Variants in TMEM168 observed in about 807,000 individuals in gnomAD.
TMEM168 encodes the protein transmembrane protein 168.
Under a neutral mutation model 53.2 loss-of-function variants are expected in TMEM168, and 40 were observed. That is an observed-to-expected ratio of 0.75 (90% CI 0.58 to 0.98). TMEM168 has a LOEUF of 0.98. Ranked by LOEUF, TMEM168 falls within the 50% of genes least tolerant of loss-of-function variation. TMEM168 has a pLI of 0.00. For synonymous variants in TMEM168, 282 were observed against 293.0 expected, an observed-to-expected ratio of 0.96 and a Z score of 0.38; for missense variants, 771 against 828.8, an observed-to-expected ratio of 0.93 and a Z score of 0.86.
rs753868889 is a variant in TMEM168, at chr7:112,773,060, A to C, written c.1272-5T>G. On this transcript the variant is annotated splice_polypyrimidine_tract_variant and splice_region_variant and intron_variant, in intron 3 of 4. Transcript: ENST00000312814. Reference sequence around the variant, plus strand: ...AGTGTTGGCTGACCATCAGGACTGAAGTAGGAGAAAAAACAAGAAGTACTC... The same window carrying C: ...AGTGTTGGCTGACCATCAGGACTGACGTAGGAGAAAAAACAAGAAGTACTC... The C allele has an allele frequency of 1.3e-5, 21 of 1,587,120 alleles. No individual in the cohort carries two copies. The highest frequency in any genetic ancestry group is 1.8e-5 in the Non-Finnish European group (21 of 1,162,934).
Position 112,783,747 on chromosome 7 carries a change from A to G in TMEM168, c.1079T>C (p.Val360Ala). The change falls in exon 2 of 5, where the codon GTG becomes GCG. Residue 360 changes from valine (V) to alanine (A), a missense_variant. Val to Ala is a moderately conservative substitution (Grantham distance 64, BLOSUM62 0). Transcript: ENST00000312814. Reference sequence around the variant, plus strand: ...CGCTGTTGCAAGAAGACTAAAGAACACCAACTGCTCTGAAATCAAGCAAAA... The same window carrying G: ...CGCTGTTGCAAGAAGACTAAAGAACGCCAACTGCTCTGAAATCAAGCAAAA... The part of the protein sequence containing the change: ...RHFCLISEQL[V>A]FFSLLATAIL... The G allele has an allele frequency of 6.4e-7, 1 of 1,564,230 alleles. No homozygotes were observed.
Position 112,784,762 on chromosome 7 carries a change from C to T in TMEM168, c.64G>A (p.Glu22Lys). 6.2e-7 allele frequency: 1 copy of T among 1,611,182 alleles called. No homozygotes were observed. Among genetic ancestry groups the T allele is most frequent in the Non-Finnish European group, 8.5e-7 (1 of 1,179,360 alleles). ...TGCATGTTCACTTCTCTATTTACTT[C>T]TTCCAGTCTTGTCATTGCTAAATAG... ...CLYLAMTRLEEVNREVNMHSS... is the reference protein window; with the variant it reads ...CLYLAMTRLEKVNREVNMHSS... Residue 22 changes from glutamate (E) to lysine (K), a missense_variant, in exon 2 of 5, where the codon GAA becomes AAA. By Grantham distance (56) the Glu-to-Lys change is moderately conservative. Coordinates refer to ENST00000312814, the MANE Select transcript of TMEM168 (RefSeq NM_022484.6).
rs1792722657 is a variant in TMEM168, at chr7:112,764,413, G to GATCT, written c.*2780_*2783dup. The GATCT allele has an allele frequency of 6.6e-6, 1 of 151,744 alleles. No individual in the cohort carries two copies. Among genetic ancestry groups the GATCT allele is most frequent in the African/African-American group, 2.4e-5 (1 of 41,310 alleles). The allele number at this position is 151,744 out of a possible 1,614,324, so 9.4% of individuals were successfully genotyped here. ...CATAGACAAATTAGTCTCATTGTCAGATCTATTTTTCAATCTTTAGGTGAA... is the reference window on the plus strand; with the variant it reads ...CATAGACAAATTAGTCTCATTGTCAGATCTATCTATTTTTCAATCTTTAGGTGAA... On this transcript the variant is annotated 3_prime_UTR_variant, in exon 5 of 5. Coordinates refer to ENST00000312814, the MANE Select transcript of TMEM168 (RefSeq NM_022484.6).
chr7:112,788,497 G>A lies in TMEM168; in HGVS notation c.-129+1663C>T, dbSNP rs1584456489. On this transcript the variant is annotated intron_variant, in intron 1 of 4. Transcript: ENST00000312814. ...CAACATGGCAGATTGTTTTTAAATG[G>A]CTAATTTACAAAACTCTTCCCCATT... is the stretch of plus-strand genomic sequence containing the variant. The A allele has an allele frequency of 2.0e-5, 3 of 152,238 alleles. No homozygotes were observed. In the East Asian group the frequency reaches 5.8e-4, roughly 29 times the overall value. 9.4% of individuals were successfully genotyped at this position (152,238 alleles called of 1,614,324 possible).
rs761715225 is a variant in TMEM168, at chr7:112,783,900, T to C, written c.926A>G (p.His309Arg). 6.9e-6 allele frequency: 11 copies of C among 1,598,078 alleles called. No homozygotes were observed. Among genetic ancestry groups the C allele is most frequent in the Admixed American group, 1.8e-5 (1 of 55,766 alleles). ...SIFGIFWMIC[H>R]IIFLLTLWGF... Reference sequence around the variant, plus strand: ...CCAAAGAGTTAAAAGAAAAATAATATGACAAATCATCCAGAAAATTCCAAA... The same window carrying C: ...CCAAAGAGTTAAAAGAAAAATAATACGACAAATCATCCAGAAAATTCCAAA... The change falls in exon 2 of 5, where the codon CAT becomes CGT. Residue 309 changes from histidine (H) to arginine (R), a missense_variant. By Grantham distance (29) the His-to-Arg change is conservative. Transcript: ENST00000312814.
rs889035543 is a variant in TMEM168, at chr7:112,765,928, A to T, written c.*1269T>A. The T allele has an allele frequency of 1.7e-5, 1 of 59,502 alleles. No homozygotes were observed. The highest frequency in any genetic ancestry group is 2.8e-5 in the Non-Finnish European group (1 of 35,248). 3.7% of individuals were successfully genotyped at this position (59,502 alleles called of 1,614,324 possible). A position where few individuals can be genotyped will look rare whatever the true frequency, so the allele number is the denominator to read the frequency against. On this transcript the variant is annotated 3_prime_UTR_variant, in exon 5 of 5. Coordinates refer to ENST00000312814, the MANE Select transcript of TMEM168 (RefSeq NM_022484.6). ...CATTATTTCCTCTTTCTGAGGCTAT[A>T]AAAAAATGGCTTCAATGGTGAGAAG...
intron 1 of TMEM168, among the ~76,000 whole-genome samples, chr7:112,788,080 C>T (rs1223786248): frequency 6.6e-6 from 1 of 152,122 alleles, no homozygotes; most frequent in Non-Finnish European, 1.5e-5. Flanking sequence ...CTTCTCTCAC[C>T]TTCCAAACCA....
intron 3 of TMEM168, among the ~76,000 whole-genome samples, chr7:112,774,097 T>C (rs1793004515): frequency 6.6e-6 from 1 of 152,154 alleles, no homozygotes. Flanking sequence ...AAACTTTACT[T>C]CCACTCTCCT....
At chr7:112,773,811 A>C (rs1792996088) in intron 3 of TMEM168, among the ~76,000 whole-genome samples, 1 of 152,172 alleles carries the variant, frequency 6.6e-6, no homozygotes, top group Non-Finnish European at 1.5e-5. Context: ...TTCATATATC[A>C]TCAGTACTAT....
At chr7:112,778,230 C>T (rs1323038145) in intron 2 of TMEM168, 1 of 152,172 alleles carries the variant, frequency 6.6e-6, no homozygotes, top group Non-Finnish European at 1.5e-5. Context: ...TACCAGAGAT[C>T]TCACTTCTGG....
intron 2 of TMEM168, among the ~76,000 whole-genome samples, chr7:112,781,401 A>G (rs1452047350): frequency 6.6e-6 from 1 of 152,196 alleles, no homozygotes; most frequent in Non-Finnish European, 1.5e-5. Context: ...CTCCAACTAC[A>G]TGGAATTAGA....
intron 3 of TMEM168, among the ~76,000 whole-genome samples, chr7:112,773,898 A>G (rs1056393337): frequency 6.6e-6 from 1 of 152,140 alleles, no homozygotes; most frequent in Non-Finnish European, 1.5e-5. Flanking sequence ...TAAATATCTA[A>G]CTGTGCATAT....
Position 112,784,572 on chromosome 7 carries a change from AAATAGT to A in TMEM168, c.248_253del (p.Tyr83_Tyr84del). On this transcript the variant is annotated inframe_deletion, in exon 2 of 5. Transcript: ENST00000312814. ...ACTTAAACTTGCTGCTTCCATTGAAAAATAGTAATAGAGTATGCTGGCGATTCCAAG... is the reference window on the plus strand; with the variant it reads ...ACTTAAACTTGCTGCTTCCATTGAAAAATAGAGTATGCTGGCGATTCCAAG... 6.2e-7 allele frequency: 1 copy of A among 1,614,068 alleles called. No individual in the cohort carries two copies. The highest frequency in any genetic ancestry group is 8.5e-7 in the Non-Finnish European group (1 of 1,180,004).
chr7:112,782,733 CTG>C (rs1027292616), intron 2 of TMEM168, among the ~76,000 whole-genome samples: 14 of 152,318 alleles, frequency 9.2e-5, no homozygotes, highest in African/African-American at 3.4e-4. Flanking sequence ...CAGCAACAAA[CTG>C]TTACAAAGCA....
rs1792798957 is a variant in TMEM168, at chr7:112,767,090, A to C, written c.*107T>G. The C allele has an allele frequency of 9.0e-7, 1 of 1,109,122 alleles. No homozygotes were observed. The highest frequency in any genetic ancestry group is 1.6e-5 in the African/African-American group (1 of 62,960). 68.7% of individuals were successfully genotyped at this position (1,109,122 alleles called of 1,614,324 possible). A position where few individuals can be genotyped will look rare whatever the true frequency, so the allele number is the denominator to read the frequency against. ...AAAGACAAAGTGAGAGCAGCTACAG[A>C]AGTAGCAAGGTATTTTCCACAAATA... On this transcript the variant is annotated 3_prime_UTR_variant, in exon 5 of 5. Transcript: ENST00000312814.
intron 4 of TMEM168, among the ~76,000 whole-genome samples, chr7:112,769,462 A>T (rs2116225984): frequency 6.6e-6 from 1 of 152,320 alleles, no homozygotes; most frequent in Non-Finnish European, 1.5e-5. Context: ...GCCACAAAAC[A>T]TCATTGCCCA....
Position 112,784,131 on chromosome 7 carries a change from C to T in TMEM168, c.695G>A (p.Cys232Tyr). 1.2e-6 allele frequency: 2 copies of T among 1,613,718 alleles called. No homozygotes were observed. Among genetic ancestry groups the T allele is most frequent in the Non-Finnish European group, 1.7e-6 (2 of 1,179,954 alleles). Residue 232 changes from cysteine to tyrosine, a missense_variant, in exon 2 of 5, where the codon TGC (cysteine) becomes TAC (tyrosine). Coordinates refer to ENST00000312814, the MANE Select transcript of TMEM168 (RefSeq NM_022484.6). Reference sequence around the variant, plus strand: ...GTCAAGGAAAGGATCAGTTATCAGGCAAATAAAAAAACACGCAAAAGCAAT... The same window carrying T: ...GTCAAGGAAAGGATCAGTTATCAGGTAAATAAAAAAACACGCAAAAGCAAT... Reference protein sequence around the residue: ...NPIAFACFFICLITDPFLDIY... With the variant: ...NPIAFACFFIYLITDPFLDIY...
intron 2 of TMEM168, among the ~76,000 whole-genome samples, chr7:112,777,489 CCTCT>C (rs948621871): frequency 8.6e-5 from 13 of 151,666 alleles, no homozygotes; most frequent in East Asian, 1.9e-4. Flanking sequence ...TCATTTCTTC[CCTCT>C]ATTTTTGAGA....
intron 2 of TMEM168, among the ~76,000 whole-genome samples, chr7:112,779,446 CA>C (rs1251758959): frequency 7.2e-5 from 11 of 152,146 alleles, no homozygotes; most frequent in Non-Finnish European, 1.2e-4. Context: ...TATTGGCCTG[CA>C]AACCTTTATT....
Sources: allele counts gnomAD v4.1 joint callset (sites outside exome capture counted in the v4.1 genomes callset), GRCh38; gene constraint gnomAD v4.1.1; transcripts MANE v1.5; gene names NCBI Gene and HGNC (gene_info 2026-07-23, HGNC 2026-07-21).